The following MAST4 variants were observed in gnomAD, a reference collection of about 807,000 sequenced individuals.
MAST4 encodes the protein microtubule-associated serine/threonine-protein kinase 4.
A neutral mutation model predicts 162.7 loss-of-function variants in MAST4; 89 were observed. The ratio of observed to expected loss-of-function variants is 0.55; its 90% CI spans 0.46 to 0.65. The LOEUF (loss-of-function observed/expected upper bound fraction) is 0.65. Ranked by LOEUF, MAST4 falls within the 30% of genes least tolerant of loss-of-function variation. The pLI is 0.00. For synonymous variants in MAST4, 1,479 were observed against 1,361.1 expected, an observed-to-expected ratio of 1.09 and a Z score of -1.91; for missense variants, 3,153 against 3,374.0, an observed-to-expected ratio of 0.93 and a Z score of 1.62.
At chr5:66,666,878 A>G (rs1243324702) in intron 1 of MAST4, among the ~76,000 whole-genome samples, 28 of 152,366 alleles carry the variant, frequency 1.8e-4, no homozygotes, top group Middle Eastern at 3.4e-3. Flanking sequence ...CAGGTTGCCT[A>G]TAATGAAGTG....
chr5:66,719,651 C>G (rs1413039561), intron 1 of MAST4, among the ~76,000 whole-genome samples: 1 of 152,070 alleles, frequency 6.6e-6, no homozygotes, highest in Admixed American at 6.5e-5. Flanking sequence ...ACCCATCAAC[C>G]CGTCATCTAG....
At chr5:67,064,932 A>G (rs1760052567) in intron 5 of MAST4, among the ~76,000 whole-genome samples, 3 of 152,308 alleles carry the variant, frequency 2.0e-5, no homozygotes, top group African/African-American at 7.2e-5. Context: ...AAAAAATACA[A>G]TTGGAAATTA....
chr5:66,847,245 G>A (rs904693325), intron 3 of MAST4, among the ~76,000 whole-genome samples: 1 of 152,160 alleles, frequency 6.6e-6, no homozygotes, highest in African/African-American at 2.4e-5. Flanking sequence ...GGCATGTGAC[G>A]TACACTAAGT....
At chr5:66,782,161 C>T (rs906702389) in intron 2 of MAST4, among the ~76,000 whole-genome samples, 11 of 151,812 alleles carry the variant, frequency 7.2e-5, no homozygotes, top group East Asian at 1.9e-4. Flanking sequence ...TGGTGGTGGG[C>T]GCCTGTAATC....
intron 3 of MAST4, among the ~76,000 whole-genome samples, chr5:66,896,589 A>G (rs1762699347): frequency 6.6e-6 from 1 of 152,256 alleles, no homozygotes; most frequent in South Asian, 2.1e-4. Flanking sequence ...TAGTTAGAAA[A>G]GAAGCGTTCA....
intron 1 of MAST4, among the ~76,000 whole-genome samples, chr5:66,602,494 AG>A (rs1372764316): frequency 6.6e-6 from 1 of 151,528 alleles, no homozygotes; most frequent in African/African-American, 2.4e-5. Flanking sequence ...GATACAGTGC[AG>A]GAGTCCAGGC....
chr5:66,809,122 T>C (rs547357633), intron 3 of MAST4, among the ~76,000 whole-genome samples: 4 of 152,372 alleles, frequency 2.6e-5, no homozygotes, highest in African/African-American at 9.6e-5. Context: ...TTTTCTTTCT[T>C]GATGCCTTTC....
Position 67,165,678 on chromosome 5 carries a change from C to G in MAST4, c.6499C>G (p.Pro2167Ala). The G allele has an allele frequency of 6.3e-7, 1 of 1,591,526 alleles. No individual in the cohort carries two copies. The highest frequency in any genetic ancestry group is 8.5e-7 in the Non-Finnish European group (1 of 1,169,610). Residue 2167 changes from proline to alanine, a missense_variant, in exon 29 of 29, where the codon CCC (proline) becomes GCC (alanine). This residue lies in a region of MAST4 where 1,644 missense variants were observed against 1,495.0 expected (regional missense o/e 1.10). Coordinates refer to ENST00000403625, the MANE Select transcript of MAST4 (RefSeq NM_001164664.2). ...HASGREPGAK[P>A]STAEPSSSPQ... is the part of the protein sequence containing the mutation. ...TTCTGGCAGAGAGCCGGGGGCCAAGCCCAGCACTGCAGAGCCCAGCTCGAG... is the reference window on the plus strand; with the variant it reads ...TTCTGGCAGAGAGCCGGGGGCCAAGGCCAGCACTGCAGAGCCCAGCTCGAG...
intron 2 of MAST4, among the ~76,000 whole-genome samples, chr5:66,786,050 G>A (rs1205762592): frequency 6.6e-6 from 1 of 152,060 alleles, no homozygotes; most frequent in Non-Finnish European, 1.5e-5. Flanking sequence ...TTAACTTTTT[G>A]TAGAGACGGG....
chr5:67,022,046 C>A lies in MAST4; in HGVS notation c.675-32358C>A, dbSNP rs72763039. Among the ~76,000 whole-genome samples the A allele has an allele frequency of 4.9e-3, 742 of 152,288 alleles. 5 individuals carry two copies. The highest frequency in any genetic ancestry group is 0.011 in the South Asian group (54 of 4,832). On this transcript the variant is annotated intron_variant, in intron 4 of 28. Coordinates refer to ENST00000403625, the MANE Select transcript of MAST4 (RefSeq NM_001164664.2). ...ATTCCTCAGTTAGCATTCATTCCAA[C>A]ATGTTGTAATTCTGTATATACTTAT...
intron 3 of MAST4, among the ~76,000 whole-genome samples, chr5:66,885,391 T>C (rs1336883772): frequency 6.6e-6 from 1 of 152,176 alleles, no homozygotes; most frequent in East Asian, 1.9e-4. Flanking sequence ...AAATACAAAA[T>C]GCAGAGTCTA....
chr5:66,930,802 G>A (rs1264497049), intron 4 of MAST4: 2 of 470,728 alleles, frequency 4.2e-6, no homozygotes, highest in African/African-American at 4.0e-5. Context: ...AAGAATGGGT[G>A]TGCCTGCTTT....
rs1187971815 is a variant in MAST4 at position 66,965,225 on chromosome 5, C to CTTTTTTTTTTTTTTTTTTT, written c.674+65260_674+65261insTTTTTTTTTTTTTTTTTTT. On this transcript the variant is annotated intron_variant, in intron 4 of 28. Coordinates refer to ENST00000403625, the MANE Select transcript of MAST4 (RefSeq NM_001164664.2). ...AAGAGTAGTTTTTTTTTTTTTTTTGCTTTTTTTTTTTTTTTTTCCCTATCT... is the reference window on the plus strand; with the variant it reads ...AAGAGTAGTTTTTTTTTTTTTTTTGCTTTTTTTTTTTTTTTTTTTTTTTTTTTTTTTTTTTTCCCTATCT... Among the ~76,000 whole-genome samples the CTTTTTTTTTTTTTTTTTTT allele has an allele frequency of 8.2e-5, 7 of 84,896 alleles. 1 individual carries two copies. The highest frequency in any genetic ancestry group is 4.7e-5 in the Non-Finnish European group (2 of 42,400). 55.7% of individuals were successfully genotyped at this position (84,896 alleles called of 152,430 possible).
chr5:67,082,786 C>G (rs1224732574), intron 5 of MAST4, among the ~76,000 whole-genome samples: 1 of 151,938 alleles, frequency 6.6e-6, no homozygotes, highest in East Asian at 1.9e-4. Context: ...TATTAAAATC[C>G]AAATTTAAAA....
At chr5:66,961,107 C>T (rs1052784129) in intron 4 of MAST4, among the ~76,000 whole-genome samples, 2 of 152,126 alleles carry the variant, frequency 1.3e-5, no homozygotes, top group Non-Finnish European at 2.9e-5. Context: ...ATTTTGTTTA[C>T]CTTGAAATGC....
chr5:67,026,772 T>C (rs6414805), intron 4 of MAST4, among the ~76,000 whole-genome samples: 29,191 of 152,082 alleles, frequency 0.19, 3,286 homozygotes, highest in Non-Finnish European at 0.26. Flanking sequence ...GAATTCTGTT[T>C]TAAAAAGATG....
intron 5 of MAST4, among the ~76,000 whole-genome samples, chr5:67,055,556 C>G (rs895317260): frequency 3.3e-5 from 5 of 152,096 alleles, no homozygotes; most frequent in Non-Finnish European, 5.9e-5. Context: ...AAAGTAGTTG[C>G]TCCTTTGGAG....
At chr5:66,629,857 C>A (rs1488791513) in intron 1 of MAST4, among the ~76,000 whole-genome samples, 3 of 152,098 alleles carry the variant, frequency 2.0e-5, no homozygotes, top group African/African-American at 4.8e-5. Context: ...CGCTTCTTGG[C>A]CTTTTGGTTA....
At chr5:67,160,419 A>C (rs759371507) in intron 26 of MAST4, 37 bp from the exon 27 acceptor site, 3 of 1,587,324 alleles carry the variant, frequency 1.9e-6, no homozygotes, top group East Asian at 2.3e-5. Flanking sequence ...GCTTCATCAC[A>C]GCATTTCCCT....
Sources: gnomAD v4.1 joint callset for allele counts (sites outside exome capture counted in the v4.1 genomes callset) on GRCh38, gnomAD v4.1.1 for gene constraint, gnomAD v4.1.1 regional missense constraint, MANE v1.5 for transcripts, NCBI Gene and HGNC (gene_info 2026-07-23, HGNC 2026-07-21) for gene names.